The following RYR2 variants were observed in gnomAD, a reference collection of about 807,000 sequenced individuals.
RYR2 encodes cardiac muscle ryanodine receptor-calcium release channel.
RYR2 carries 227 observed loss-of-function variants against 601.1 expected under a neutral mutation model. That is an observed-to-expected ratio of 0.38 (90% confidence interval 0.34 to 0.42). The LOEUF (loss-of-function observed/expected upper bound fraction) is 0.42, where lower values mean the gene tolerates loss of function less well. Among genes scored for constraint, RYR2 ranks in the 10% least tolerant of loss-of-function variants. The pLI is 1.00. For synonymous variants in RYR2, 2,223 were observed against 2,175.1 expected (o/e 1.02, Z -0.61); for missense variants, 4,646 against 6,156.5 (o/e 0.75, Z 8.21).
chr1:237,688,233 G>T (rs1686615190), intron 63 of RYR2, among the ~76,000 whole-genome samples: 1 of 152,196 alleles, frequency 6.6e-6, no homozygotes, highest in Non-Finnish European at 1.5e-5. Flanking sequence ...CGAAGAAAAT[G>T]TGAACCCTTT....
intron 2 of RYR2, among the ~76,000 whole-genome samples, chr1:237,293,731 G>A (rs1692472824): frequency 6.6e-6 from 1 of 152,216 alleles, no homozygotes; most frequent in Non-Finnish European, 1.5e-5. Context: ...AATGTGGGAA[G>A]AGGCACAGAG....
chr1:237,502,475 G>A (rs528321149), intron 21 of RYR2, among the ~76,000 whole-genome samples: 1 of 152,178 alleles, frequency 6.6e-6, no homozygotes, highest in South Asian at 2.1e-4. Context: ...ATTTTTCTAC[G>A]GGCCAGGGCT....
At chr1:237,764,330 T>C (rs1693666814) in intron 84 of RYR2, among the ~76,000 whole-genome samples, 1 of 150,952 alleles carries the variant, frequency 6.6e-6, no homozygotes, top group African/African-American at 2.4e-5. Flanking sequence ...ATCCCACGAG[T>C]GAAGTCACTT....
chr1:237,594,563 C>T (rs1463793971), intron 33 of RYR2, among the ~76,000 whole-genome samples: 1 of 151,880 alleles, frequency 6.6e-6, no homozygotes, highest in African/African-American at 2.4e-5. Context: ...GTAAAGAACT[C>T]AATATAGGGA....
At chr1:237,814,079 T>C (rs1477213913) in intron 100 of RYR2, among the ~76,000 whole-genome samples, 3 of 152,204 alleles carry the variant, frequency 2.0e-5, no homozygotes, top group Admixed American at 6.5e-5. Flanking sequence ...ATTACCTAGA[T>C]TGACATTCCA....
At chr1:237,414,909 G>A (rs1704808509) in intron 10 of RYR2, among the ~76,000 whole-genome samples, 1 of 152,146 alleles carries the variant, frequency 6.6e-6, no homozygotes. Flanking sequence ...CTACCTCACC[G>A]AAGACTTGAG....
In RYR2 at chr1:237,284,644, G is replaced by GTA. The variant is rs373841991; in HGVS notation, c.168+14042_168+14043dup. On this transcript the variant is annotated intron_variant, in intron 2 of 104. Transcript: ENST00000366574. ...TATGTAGTATATATGTATAGTGTGT[G>GTA]TATATATATATATATTCCACCATAT... is the stretch of plus-strand genomic sequence containing the variant. Among the ~76,000 whole-genome samples, 252 of 137,370 alleles carry GTA rather than the reference G, an allele frequency of 1.8e-3. 1 individual carries two copies. Among genetic ancestry groups the GTA allele is most frequent in the Non-Finnish European group, 3.2e-3 (209 of 65,152 alleles). 90.1% of individuals were successfully genotyped at this position (137,370 alleles called of 152,430 possible). A position where few individuals can be genotyped will look rare whatever the true frequency, so the allele number is the denominator to read the frequency against.
intron 82 of RYR2, 49 bp downstream of exon 82, chr1:237,757,825 C>A: frequency 1.8e-6 from 2 of 1,122,752 alleles, no homozygotes; most frequent in Non-Finnish European, 2.7e-6. Context: ...ACAAATGGAC[C>A]ATATAGTAAA....
intron 19 of RYR2, among the ~76,000 whole-genome samples, chr1:237,493,669 G>A (rs550154321): frequency 1.6e-4 from 24 of 152,222 alleles, no homozygotes; most frequent in Admixed American, 9.2e-4. Flanking sequence ...AGCCAGGATG[G>A]TCTCGAACTC....
intron 4 of RYR2, among the ~76,000 whole-genome samples, chr1:237,363,084 T>G (rs1029236205): frequency 4.1e-5 from 6 of 146,678 alleles, no homozygotes; most frequent in Non-Finnish European, 6.0e-5. Context: ...CTAGCTTAAT[T>G]AAAAAAAAAA....
chr1:237,378,052 G>T (rs2149794956), intron 8 of RYR2, among the ~76,000 whole-genome samples: 1 of 152,316 alleles, frequency 6.6e-6, no homozygotes, highest in East Asian at 1.9e-4. Context: ...AAAGAAAGAG[G>T]TTTGTTGGAC....
chr1:237,593,443 C>G, intron 32 of RYR2, 33 bp from the exon 33 acceptor site: 1 of 1,565,870 alleles, frequency 6.4e-7, no homozygotes, highest in Non-Finnish European at 8.7e-7. Context: ...TTTAGTTTTA[C>G]TTTGCCAATA....
rs1051889318 is a variant in RYR2, at chr1:237,764,473, G to T, written c.11476+3445G>T. Among the ~76,000 whole-genome samples, 11 of 138,466 alleles carry T rather than the reference G, an allele frequency of 7.9e-5. No individual in the cohort carries two copies. The South Asian group carries it at 2.6e-3, about 32-fold the overall frequency. 90.8% of individuals were successfully genotyped at this position (138,466 alleles called of 152,430 possible). A position where few individuals can be genotyped will look rare whatever the true frequency, so the allele number is the denominator to read the frequency against. ...TGTTTATTTAATTCTTTTTGAGATG[G>T]AGTGTCGCTCTGTCGCCCAGGCTGG... is the stretch of plus-strand genomic sequence containing the variant. On this transcript the variant is annotated intron_variant, in intron 84 of 104. Transcript: ENST00000366574.
At chr1:237,580,930 C>G (rs563361472) in intron 29 of RYR2, among the ~76,000 whole-genome samples, 1 of 152,176 alleles carries the variant, frequency 6.6e-6, no homozygotes, top group South Asian at 2.1e-4. Flanking sequence ...GGCCTTCCAG[C>G]CTCCAGACTG....
intron 103 of RYR2, among the ~76,000 whole-genome samples, chr1:237,831,160 G>A (rs183325638): frequency 2.0e-5 from 3 of 152,202 alleles, no homozygotes; most frequent in East Asian, 1.9e-4. Flanking sequence ...AAGAGATGCC[G>A]AGTAGCATTA....
intron 10 of RYR2, among the ~76,000 whole-genome samples, chr1:237,395,381 A>C (rs1241601298): frequency 6.6e-6 from 1 of 152,136 alleles, no homozygotes; most frequent in Non-Finnish European, 1.5e-5. Flanking sequence ...CCTGCTATTC[A>C]ATATCAACTC....
chr1:237,052,140 T>C (rs1277704853), intron 1 of RYR2, among the ~76,000 whole-genome samples: 4 of 152,188 alleles, frequency 2.6e-5, no homozygotes, highest in African/African-American at 9.7e-5. Flanking sequence ...ACCTCTTTTA[T>C]CTGTAGCATT....
chr1:237,729,171 A>G (rs1243077818), intron 76 of RYR2, among the ~76,000 whole-genome samples: 1 of 152,056 alleles, frequency 6.6e-6, no homozygotes, highest in Non-Finnish European at 1.5e-5. Flanking sequence ...GAGTTCTTCC[A>G]TCCTCTCCAA....
Position 237,602,079 on chromosome 1 carries a change from A to G in RYR2, c.4651A>G (p.Asn1551Asp). 1 of 1,613,070 alleles carries G rather than the reference A, an allele frequency of 6.2e-7. No homozygotes were observed. Among genetic ancestry groups the G allele is most frequent in the Non-Finnish European group, 8.5e-7 (1 of 1,179,452 alleles). Residue 1551 changes from asparagine to aspartate, a missense_variant, in exon 35 of 105, where the codon AAT becomes GAT. Physicochemically the swap from Asn to Asp is conservative, Grantham distance 23 (BLOSUM62 1). This residue lies in a region of RYR2 where 1,807 missense variants were observed against 2,088.1 expected (regional missense o/e 0.87). Transcript: ENST00000366574. ...GGTTTTTGCACAAGCTACAAGTCCC[A>G]ATGTTTTCCAGTTTGAGTTGGGAAG... Reference protein sequence around the residue: ...PAVFAQATSPNVFQFELGRIK... With the variant: ...PAVFAQATSPDVFQFELGRIK...
Sources: allele counts gnomAD v4.1 joint callset (sites outside exome capture counted in the v4.1 genomes callset), GRCh38; gene constraint gnomAD v4.1.1; regional missense constraint gnomAD v4.1.1; transcripts MANE v1.5; gene names NCBI Gene and HGNC (gene_info 2026-07-23, HGNC 2026-07-21).